KLF12: variants seen among roughly 807,000 people sequenced by gnomAD.
The protein encoded by KLF12 is Krueppel-like factor 12.
In KLF12, 9 loss-of-function variants were observed where a neutral mutation model predicts 37.8. The ratio of observed to expected loss-of-function variants is 0.24; its 90% confidence interval spans 0.14 to 0.42. KLF12 has a LOEUF of 0.42. Ranked by LOEUF, KLF12 falls within the 10% of genes least tolerant of loss-of-function variation. The probability of loss-of-function intolerance (pLI) is 1.00; values close to 1 mark genes in which losing one functional copy is unlikely to be tolerated. For missense variants in KLF12, 411 were observed against 516.0 expected, an observed-to-expected ratio of 0.80 and a Z score of 1.97; for synonymous variants, 208 against 202.1, an observed-to-expected ratio of 1.03 and a Z score of -0.25.
chr13:74,078,072 GT>G (rs1453903435), intron 1 of KLF12, among the ~76,000 whole-genome samples: 3 of 152,110 alleles, frequency 2.0e-5, no homozygotes, highest in African/African-American at 7.2e-5. Context: ...AAGTTTGTTT[GT>G]TTGTTTAGTG....
the KLF12 span, among the ~76,000 whole-genome samples, chr13:74,223,289 A>G: frequency 3.9e-4 from 59 of 152,360 alleles, no homozygotes; most frequent in East Asian, 0.011. Flanking sequence ...CTTTGTATGT[A>G]GATGGTGAAA....
intron 5 of KLF12, among the ~76,000 whole-genome samples, chr13:73,808,512 G>A (rs953857098): frequency 7.9e-5 from 12 of 151,986 alleles, no homozygotes; most frequent in African/African-American, 1.9e-4. Flanking sequence ...ACTAAGCAGC[G>A]GTCTTTTTAA....
chr13:73,898,225 G>A (rs1887878737), intron 3 of KLF12, among the ~76,000 whole-genome samples: 1 of 152,070 alleles, frequency 6.6e-6, no homozygotes, highest in Admixed American at 6.5e-5. Context: ...CCTTTTGTAT[G>A]ATCTGTGCCT....
intron 3 of KLF12, among the ~76,000 whole-genome samples, chr13:73,915,401 G>A (rs1888771675): frequency 6.6e-6 from 1 of 152,124 alleles, no homozygotes; most frequent in African/African-American, 2.4e-5. Context: ...CATTTCCGTA[G>A]AAGTGTTGCC....
chr13:74,028,537 A>G (rs1215516537), intron 1 of KLF12, among the ~76,000 whole-genome samples: 2 of 152,116 alleles, frequency 1.3e-5, no homozygotes, highest in Non-Finnish European at 2.9e-5. Context: ...TAGCTACAAT[A>G]TATATACATA....
the KLF12 span, among the ~76,000 whole-genome samples, chr13:74,195,090 C>T: frequency 6.6e-6 from 1 of 152,138 alleles, no homozygotes; most frequent in African/African-American, 2.4e-5. Flanking sequence ...GTCCTTTGGC[C>T]AGCTACAAGG....
chr13:73,939,554 G>T (rs1016552619), intron 3 of KLF12, among the ~76,000 whole-genome samples: 2 of 152,084 alleles, frequency 1.3e-5, no homozygotes, highest in Non-Finnish European at 2.9e-5. Flanking sequence ...TCTACTTGGA[G>T]AATTATGAAT....
At chr13:74,135,446 C>G (rs998155293), upstream of KLF12, among the ~76,000 whole-genome samples, 4 of 152,064 alleles carry the variant, frequency 2.6e-5, 1 homozygote, top group Admixed American at 2.6e-4. Flanking sequence ...GCCTCCGCGC[C>G]CCGGGGAGCG....
chr13:73,849,375 T>TAAAAAAAAAA lies in KLF12; in HGVS notation c.124-3012_124-3003dup, dbSNP rs574332239. Reference sequence around the variant, plus strand: ...GCTTGGGCAACAGAGGGAGACTCCATAAAAAAAAAAAAAAAAAAAAAAAAA... The same window carrying TAAAAAAAAAA: ...GCTTGGGCAACAGAGGGAGACTCCATAAAAAAAAAAAAAAAAAAAAAAAAAAAAAAAAAAA... On this transcript the variant is annotated intron_variant, in intron 3 of 7. Transcript: ENST00000377669. Among the ~76,000 whole-genome samples the TAAAAAAAAAA allele has an allele frequency of 1.7e-4, 17 of 98,984 alleles. 1 individual carries two copies. The highest frequency in any genetic ancestry group is 7.7e-4 in the African/African-American group (16 of 20,764). 64.9% of individuals were successfully genotyped at this position (98,984 alleles called of 152,430 possible). A position where few individuals can be genotyped will look rare whatever the true frequency, so the allele number is the denominator to read the frequency against.
intron 6 of KLF12, among the ~76,000 whole-genome samples, chr13:73,761,831 G>A (rs904960572): frequency 6.6e-6 from 1 of 152,160 alleles, no homozygotes; most frequent in Non-Finnish European, 1.5e-5. Flanking sequence ...AGAAAGGAAG[G>A]CATGCTCACT....
chr13:73,777,282 G>A (rs1880665253), intron 5 of KLF12, among the ~76,000 whole-genome samples: 1 of 152,188 alleles, frequency 6.6e-6, no homozygotes, highest in Non-Finnish European at 1.5e-5. Context: ...TGGGAAGAAG[G>A]AGTTCATGCT....
chr13:73,727,457 C>T (rs927395091), intron 6 of KLF12, among the ~76,000 whole-genome samples: 4 of 152,140 alleles, frequency 2.6e-5, no homozygotes, highest in South Asian at 2.1e-4. Context: ...AAAGATTATT[C>T]TTTCCTCAGT....
Position 73,691,671 on chromosome 13 carries a change from T to C in KLF12, c.*3819A>G, listed in dbSNP as rs1873831431. 6.6e-6 allele frequency: 1 copy of C among 152,630 alleles called. No individual in the cohort carries two copies. Among genetic ancestry groups the C allele is most frequent in the Non-Finnish European group, 1.5e-5 (1 of 68,026 alleles). The allele number at this position is 152,630 out of a possible 1,614,324, so 9.5% of individuals were successfully genotyped here. A position where few individuals can be genotyped will look rare whatever the true frequency, so the allele number is the denominator to read the frequency against. ...CATAACAAAGGCGTATTAATACATT[T>C]TGAAGGCCTCACCTCACCAGATTTA... On this transcript the variant is annotated 3_prime_UTR_variant, in exon 8 of 8. Coordinates refer to ENST00000377669, the MANE Select transcript of KLF12 (RefSeq NM_007249.5).
chr13:74,010,158 G>T (rs1326769399), intron 1 of KLF12, among the ~76,000 whole-genome samples: 1 of 151,964 alleles, frequency 6.6e-6, no homozygotes, highest in Non-Finnish European at 1.5e-5. Context: ...GCCCAGGCTG[G>T]TCTCAAACTC....
the KLF12 span, among the ~76,000 whole-genome samples, chr13:74,148,661 G>GT: frequency 1.3e-5 from 2 of 152,100 alleles, no homozygotes; most frequent in African/African-American, 4.8e-5. Flanking sequence ...AACCCTGATA[G>GT]TTAAAGAGAT....
chr13:74,080,794 A>G (rs7140100), intron 1 of KLF12, among the ~76,000 whole-genome samples: 29,359 of 152,228 alleles, frequency 0.19, 2,998 homozygotes, highest in African/African-American at 0.27. Flanking sequence ...TATTTCTATA[A>G]GCAATGGAAA....
intron 1 of KLF12, among the ~76,000 whole-genome samples, chr13:74,058,038 C>T (rs1333875804): frequency 6.6e-6 from 1 of 151,052 alleles, no homozygotes; most frequent in Non-Finnish European, 1.5e-5. Flanking sequence ...ATGATCTCGG[C>T]TCACTGCAAC....
intron 7 of KLF12, among the ~76,000 whole-genome samples, chr13:73,705,113 T>C (rs1874837067): frequency 6.6e-6 from 1 of 152,244 alleles, no homozygotes; most frequent in South Asian, 2.1e-4. Context: ...AACAAATATT[T>C]TGTTTTAAAC....
At chr13:73,868,037 GA>G (rs1422194401) in intron 3 of KLF12, among the ~76,000 whole-genome samples, 7 of 138,306 alleles carry the variant, frequency 5.1e-5, no homozygotes, top group Admixed American at 1.5e-4. Context: ...AAAAAAAAAA[GA>G]AAAAAAAAAT....
Sources: allele counts gnomAD v4.1 joint callset (sites outside exome capture counted in the v4.1 genomes callset), GRCh38; gene constraint gnomAD v4.1.1; transcripts MANE v1.5; gene names NCBI Gene and HGNC (gene_info 2026-07-23, HGNC 2026-07-21).